Variants in SNTG2 observed in about 807,000 individuals in gnomAD.
SNTG2 encodes the protein gamma-2-syntrophin.
A neutral mutation model predicts 70.9 loss-of-function variants in SNTG2; 74 were observed. The observed-to-expected ratio is 1.04, with a 90% CI of 0.86 to 1.27. The LOEUF (loss-of-function observed/expected upper bound fraction) is 1.27, where lower values mean the gene tolerates loss of function less well. Among genes scored for constraint, SNTG2 ranks in the 50% most tolerant of loss-of-function variants. SNTG2 has a pLI of 0.00. For missense variants in SNTG2, 717 were observed against 690.7 expected (o/e 1.04, Z -0.43); for synonymous variants, 278 against 273.8 (o/e 1.02, Z -0.15).
chr2:1,040,369 C>T (rs1029487213), intron 1 of SNTG2, among the ~76,000 whole-genome samples: 1 of 152,202 alleles, frequency 6.6e-6, no homozygotes, highest in African/African-American at 2.4e-5. Context: ...CTAAACCTCT[C>T]CTCGGATTCC....
At chr2:1,068,399 A>G (rs1663296421) in intron 1 of SNTG2, 1 of 152,222 alleles carries the variant, frequency 6.6e-6, no homozygotes, top group South Asian at 2.1e-4. Context: ...CACGGTTTCC[A>G]CAGTCGAGAT....
At position 957,467 on chromosome 2, in the gene SNTG2, C is replaced by T. The variant is rs1014563690; in HGVS notation, c.72+6399C>T. Among the ~76,000 whole-genome samples the T allele has an allele frequency of 2.0e-5, 3 of 152,080 alleles. No homozygotes were observed. In the South Asian group the frequency reaches 6.2e-4, roughly 31 times the overall value. On this transcript the variant is annotated intron_variant, in intron 1 of 16. Coordinates refer to ENST00000308624, the MANE Select transcript of SNTG2 (RefSeq NM_018968.4). ...GATGCACCTTACGTACGTGCAGACACAGACACACAGAATTTAGAGAAGAAT... is the reference window on the plus strand; with the variant it reads ...GATGCACCTTACGTACGTGCAGACATAGACACACAGAATTTAGAGAAGAAT...
chr2:1,301,040 C>T lies in SNTG2; in HGVS notation c.1285-7454C>T, dbSNP rs537420999. Among the ~76,000 whole-genome samples, 8 of 152,158 alleles carry T rather than the reference C, an allele frequency of 5.3e-5. No individual in the cohort carries two copies. In the South Asian group the frequency reaches 1.7e-3, roughly 32 times the overall value. On this transcript the variant is annotated intron_variant, in intron 14 of 16. Coordinates refer to ENST00000308624, the MANE Select transcript of SNTG2 (RefSeq NM_018968.4). Reference sequence around the variant, plus strand: ...CTGTGTGCGAGAGGAAATTCTCCACCGACAGCCTGAAGCTGTGTAAAATGG... The same window carrying T: ...CTGTGTGCGAGAGGAAATTCTCCACTGACAGCCTGAAGCTGTGTAAAATGG...
chr2:1,314,550 GC>G (rs1681179340), intron 15 of SNTG2, among the ~76,000 whole-genome samples: 1 of 152,206 alleles, frequency 6.6e-6, no homozygotes, highest in African/African-American at 2.4e-5. Context: ...GGCCCTCCAG[GC>G]CAGCTGTGGC....
intron 1 of SNTG2, among the ~76,000 whole-genome samples, chr2:958,668 A>T (rs534602476): frequency 5.9e-5 from 9 of 152,060 alleles, no homozygotes; most frequent in Admixed American, 5.2e-4. Context: ...TAACCAAAAT[A>T]CATTATAATC....
chr2:1,037,272 T>C (rs1661184801), intron 1 of SNTG2, among the ~76,000 whole-genome samples: 2 of 152,186 alleles, frequency 1.3e-5, no homozygotes, highest in Admixed American at 6.5e-5. Context: ...CAGTGGGGGC[T>C]AACACCCGAG....
At chr2:1,159,434 G>A (rs928910179) in intron 6 of SNTG2, 1 of 152,016 alleles carries the variant, frequency 6.6e-6, no homozygotes, top group African/African-American at 2.4e-5. Flanking sequence ...TAAACAAAAT[G>A]ACAAATGCTT....
At chr2:1,028,817 T>C (rs1660648322) in intron 1 of SNTG2, among the ~76,000 whole-genome samples, 1 of 151,698 alleles carries the variant, frequency 6.6e-6, no homozygotes, top group Non-Finnish European at 1.5e-5. Context: ...CTAAGCAGGA[T>C]GGGTACTGTT....
chr2:963,955 G>A (rs912309376), intron 1 of SNTG2, among the ~76,000 whole-genome samples: 5 of 151,948 alleles, frequency 3.3e-5, no homozygotes, highest in Admixed American at 6.6e-5. Flanking sequence ...CAAAGTGACC[G>A]TGTCTCTCAT....
chr2:1,330,890 G>T (rs1659488764), intron 16 of SNTG2, among the ~76,000 whole-genome samples: 1 of 152,124 alleles, frequency 6.6e-6, no homozygotes, highest in African/African-American at 2.4e-5. Flanking sequence ...AAGTGACCAA[G>T]GCTGGCATAG....
chr2:1,076,432 T>C (rs1219832783), intron 1 of SNTG2, among the ~76,000 whole-genome samples: 1 of 152,238 alleles, frequency 6.6e-6, no homozygotes, highest in Non-Finnish European at 1.5e-5. Flanking sequence ...GAAGGAAATA[T>C]ACTGACTTCT....
rs377143521 is a variant in SNTG2, at chr2:1,173,234, C to T, written c.591+51C>T. 3.2e-4 allele frequency: 479 copies of T among 1,481,178 alleles called. 1 individual carries two copies. The African/African-American group carries it at 5.7e-3, about 18-fold the overall frequency. 91.8% of individuals were successfully genotyped at this position (1,481,178 alleles called of 1,614,324 possible). ...TTTATTTTAACAGAAATATCAGTAG[C>T]CCAGAGATAATCTCTAGACAGAATT... is the stretch of plus-strand genomic sequence containing the variant. On this transcript the variant is annotated intron_variant, in intron 8 of 16. Coordinates refer to ENST00000308624, the MANE Select transcript of SNTG2 (RefSeq NM_018968.4).
intron 1 of SNTG2, among the ~76,000 whole-genome samples, chr2:962,544 A>G (rs1170942225): frequency 2.6e-5 from 4 of 152,250 alleles, no homozygotes; most frequent in Non-Finnish European, 5.9e-5. Flanking sequence ...GAGCCTCTGC[A>G]ATGCAGAAAA....
intron 9 of SNTG2, among the ~76,000 whole-genome samples, chr2:1,214,456 T>C (rs530690259): frequency 6.6e-6 from 1 of 152,312 alleles, no homozygotes; most frequent in African/African-American, 2.4e-5. Flanking sequence ...TACAGATCTT[T>C]CATCTCTTTC....
At chr2:1,147,258 A>C (rs1669160885) in intron 6 of SNTG2, among the ~76,000 whole-genome samples, 1 of 152,180 alleles carries the variant, frequency 6.6e-6, no homozygotes, top group African/African-American at 2.4e-5. Context: ...GATTGGATTG[A>C]AGGATGCAAA....
rs10587246 is a variant in SNTG2 at position 1,182,360 on chromosome 2, CA to C, written c.591+9196del. On this transcript the variant is annotated intron_variant, in intron 8 of 16. Transcript: ENST00000308624. The stretch of plus-strand genomic sequence containing the variant: ...CCCTGCTTTTCTAACTTAAAAATTT[CA>C]AAAAAAAAAAAAAAAAAACTAATCA... Among the ~76,000 whole-genome samples the C allele has an allele frequency of 6.6e-3, 803 of 122,056 alleles. 5 individuals are homozygous for C. The highest frequency in any genetic ancestry group is 0.017 in the African/African-American group (520 of 30,134). The allele number at this position is 122,056 out of a possible 152,430, so 80.1% of individuals were successfully genotyped here. A position where few individuals can be genotyped will look rare whatever the true frequency, so the allele number is the denominator to read the frequency against.
chr2:1,082,618 C>T lies in SNTG2; in HGVS notation c.73-900C>T, dbSNP rs531468378. 3.4e-4 allele frequency among the ~76,000 whole-genome samples: 52 copies of T among 152,330 alleles called. 1 individual carries two copies. In the South Asian group the frequency reaches 6.8e-3, roughly 20 times the overall value. The stretch of plus-strand genomic sequence containing the variant: ...CTGTGCCCATCCCTCTCCCCCGCCA[C>T]GTGGCATGAGGACCAAGTGCCCTGG... On this transcript the variant is annotated intron_variant, in intron 1 of 16. Coordinates refer to ENST00000308624, the MANE Select transcript of SNTG2 (RefSeq NM_018968.4).
intron 14 of SNTG2, among the ~76,000 whole-genome samples, chr2:1,305,786 T>C (rs530561550): frequency 6.6e-6 from 1 of 152,332 alleles, no homozygotes; most frequent in African/African-American, 2.4e-5. Flanking sequence ...TCCTTCATCC[T>C]AAGCCCCTTT....
At chr2:1,292,558 G>A (rs914493246) in intron 14 of SNTG2, among the ~76,000 whole-genome samples, 1 of 152,122 alleles carries the variant, frequency 6.6e-6, no homozygotes, top group African/African-American at 2.4e-5. Context: ...TCATAAAAGG[G>A]TGTTGAATTT....
Sources: allele counts gnomAD v4.1 joint callset (sites outside exome capture counted in the v4.1 genomes callset), GRCh38; gene constraint gnomAD v4.1.1; transcripts MANE v1.5; gene names NCBI Gene and HGNC (gene_info 2026-07-23, HGNC 2026-07-21).